The following PGM5 variants were observed in gnomAD, a reference collection of about 807,000 sequenced individuals.
The protein encoded by PGM5 is phosphoglucomutase-like protein 5.
PGM5 carries 23 observed loss-of-function variants against 59.2 expected under a neutral mutation model. That is an observed-to-expected ratio of 0.39 (90% CI 0.28 to 0.55). The LOEUF (loss-of-function observed/expected upper bound fraction) is 0.55, where lower values mean the gene tolerates loss of function less well. Ranked by LOEUF, PGM5 falls within the 20% of genes least tolerant of loss-of-function variation. The pLI is 0.66. For synonymous variants in PGM5, 214 were observed against 286.0 expected (o/e 0.75, Z 2.54); for missense variants, 574 against 748.3 (o/e 0.77, Z 2.72).
At chr9:68,430,647 T>G (rs1823329346) in intron 6 of PGM5, among the ~76,000 whole-genome samples, 2 of 152,246 alleles carry the variant, frequency 1.3e-5, no homozygotes, top group Admixed American at 1.3e-4. Flanking sequence ...TTTGGAGGCT[T>G]GCAGCCATTT....
At chr9:68,502,502 G>A (rs1824592548) in intron 10 of PGM5, among the ~76,000 whole-genome samples, 1 of 152,120 alleles carries the variant, frequency 6.6e-6, no homozygotes, top group African/African-American at 2.4e-5. Context: ...AAAGGAAAAG[G>A]AAGGAGAAGT....
intron 1 of PGM5, among the ~76,000 whole-genome samples, chr9:68,372,569 A>G (rs1821763790): frequency 6.6e-6 from 1 of 152,158 alleles, no homozygotes; most frequent in Non-Finnish European, 1.5e-5. Flanking sequence ...TGGTGAGTGA[A>G]TGTCCATGTT....
At chr9:68,490,752 T>C (rs543314998) in intron 9 of PGM5, among the ~76,000 whole-genome samples, 1 of 152,340 alleles carries the variant, frequency 6.6e-6, no homozygotes, top group African/African-American at 2.4e-5. Context: ...TGCCATTTGC[T>C]GGAGTGTGGT....
At chr9:68,362,774 C>A (rs1277908675) in intron 1 of PGM5, among the ~76,000 whole-genome samples, 20 of 151,482 alleles carry the variant, frequency 1.3e-4, no homozygotes, top group Admixed American at 1.1e-3. Context: ...CTTCTTTGTT[C>A]TCTGCTTCTT....
chr9:68,444,845 A>T (rs1823586114), intron 6 of PGM5, among the ~76,000 whole-genome samples: 1 of 152,230 alleles, frequency 6.6e-6, no homozygotes, highest in South Asian at 2.1e-4. Context: ...GAAGGGGTAC[A>T]GGAAGGAGTG....
intron 6 of PGM5, among the ~76,000 whole-genome samples, chr9:68,433,028 A>C (rs1304582943): frequency 6.6e-6 from 1 of 152,204 alleles, no homozygotes; most frequent in Non-Finnish European, 1.5e-5. Flanking sequence ...CTATATATAC[A>C]ATACTGCAGT....
At chr9:68,528,984 A>G (rs4745083) in intron 10 of PGM5, among the ~76,000 whole-genome samples, 122,203 of 152,068 alleles carry the variant, frequency 0.8, 52,524 homozygotes, top group Non-Finnish European at 0.96. Flanking sequence ...CTTCTAAAGC[A>G]TGCCCACCTC....
At chr9:68,398,151 C>G (rs1487383493) in intron 6 of PGM5, 2 of 148,928 alleles carry the variant, frequency 1.3e-5, no homozygotes, top group Admixed American at 7.1e-5. Flanking sequence ...ACTCAGTCTC[C>G]CATACATTGC....
intron 9 of PGM5, among the ~76,000 whole-genome samples, chr9:68,495,620 C>T (rs1299905589): frequency 1.3e-5 from 2 of 152,130 alleles, no homozygotes; most frequent in Admixed American, 6.5e-5. Flanking sequence ...GAACATAAAA[C>T]TAAAGTGCAA....
chr9:68,491,556 G>A (rs886110205), intron 9 of PGM5, among the ~76,000 whole-genome samples: 1 of 152,232 alleles, frequency 6.6e-6, no homozygotes, highest in African/African-American at 2.4e-5. Context: ...GTCGGGCTCT[G>A]TATTGCACTA....
At chr9:68,398,531 G>A (rs1490032258) in intron 6 of PGM5, 1 of 152,266 alleles carries the variant, frequency 6.6e-6, no homozygotes, top group Admixed American at 6.6e-5. Flanking sequence ...AGCCTAGTGA[G>A]GTCTGGAGTT....
intron 10 of PGM5, 89 bp from the exon 11 acceptor site, chr9:68,529,478 A>T: frequency 2.3e-6 from 2 of 876,140 alleles, no homozygotes; most frequent in South Asian, 2.9e-5. Flanking sequence ...TTGGAATCTG[A>T]GTCCAGATGC....
intron 1 of PGM5, among the ~76,000 whole-genome samples, chr9:68,362,865 CTTTTTT>C (rs1163826772): frequency 1.0e-5 from 1 of 96,782 alleles, no homozygotes; most frequent in Admixed American, 1.2e-4. Flanking sequence ...TTTTCTTTTT[CTTTTTT>C]TTTTTTTTTT....
chr9:68,468,761 CT>C (rs1823976648), intron 7 of PGM5, among the ~76,000 whole-genome samples: 1 of 152,154 alleles, frequency 6.6e-6, no homozygotes, highest in South Asian at 2.1e-4. Context: ...CGTTTCTCTT[CT>C]TTACATTTTG....
intron 1 of PGM5, among the ~76,000 whole-genome samples, chr9:68,361,433 A>C (rs1290177163): frequency 2.6e-5 from 4 of 152,246 alleles, no homozygotes; most frequent in African/African-American, 9.6e-5. Context: ...GGTTAACTGG[A>C]AGTTAGTTCT....
At chr9:68,393,005 A>G (rs1478260165) in intron 6 of PGM5, among the ~76,000 whole-genome samples, 2 of 152,116 alleles carry the variant, frequency 1.3e-5, no homozygotes, top group Admixed American at 1.3e-4. Context: ...ATGAAACGAG[A>G]CAGTGCATGG....
chr9:68,486,770 A>T (rs782731907), intron 9 of PGM5, among the ~76,000 whole-genome samples: 2 of 152,118 alleles, frequency 1.3e-5, no homozygotes, highest in African/African-American at 4.8e-5. Context: ...TAGGTTTTCA[A>T]TTCTCCTGGG....
intron 6 of PGM5, among the ~76,000 whole-genome samples, chr9:68,460,923 A>G (rs1161491383): frequency 1.3e-5 from 2 of 152,102 alleles, no homozygotes; most frequent in Admixed American, 1.3e-4. Flanking sequence ...ATATTCAAGA[A>G]CAATGTGAAC....
chr9:68,486,082 C>A (rs1824290243), intron 9 of PGM5, among the ~76,000 whole-genome samples: 1 of 152,094 alleles, frequency 6.6e-6, no homozygotes, highest in Admixed American at 6.6e-5. Flanking sequence ...TAACATAGTG[C>A]AAAATAAGCA....
Sources: gnomAD v4.1 joint callset for allele counts (sites outside exome capture counted in the v4.1 genomes callset) on GRCh38, gnomAD v4.1.1 for gene constraint, MANE v1.5 for transcripts, NCBI Gene and HGNC (gene_info 2026-07-23, HGNC 2026-07-21) for gene names.